ABCA5: variants seen among roughly 807,000 people sequenced by gnomAD.
ABCA5 encodes the protein ATP binding cassette subfamily A member 5.
A neutral mutation model predicts 206.0 loss-of-function variants in ABCA5; 163 were observed. The observed-to-expected ratio is 0.79, with a 90% CI of 0.70 to 0.90. The LOEUF is 0.90. Ranked by LOEUF, ABCA5 falls within the 40% of genes least tolerant of loss-of-function variation. The pLI, the probability that ABCA5 is intolerant of heterozygous loss-of-function variation, is 0.00. For synonymous variants in ABCA5, 609 were observed against 613.8 expected, an observed-to-expected ratio of 0.99 and a Z score of 0.11; for missense variants, 1,859 against 1,912.9, an observed-to-expected ratio of 0.97 and a Z score of 0.53.
rs577065204 is a variant in ABCA5, at chr17:69,292,992, ACCCTATTAGTATAC to A, written c.1495+1649_1495+1662del. On this transcript the variant is annotated intron_variant, in intron 11 of 38. Transcript: ENST00000392676. ...AGTTATTAGGCAAATGCAAACTAAA[ACCCTATTAGTATAC>A]CACTATACCTACTTTCTTCTTAATA... Among the ~76,000 whole-genome samples, 107 of 152,264 alleles carry A rather than the reference ACCCTATTAGTATAC, an allele frequency of 7.0e-4. No individual in the cohort carries two copies. In the East Asian group the frequency reaches 9.8e-3, roughly 14 times the overall value.
chr17:69,308,401 TG>T, intron 4 of ABCA5, 33 bp from the exon 5 acceptor site: 1 of 1,437,402 alleles, frequency 7.0e-7, no homozygotes, highest in Non-Finnish European at 9.8e-7. Context: ...TCTAAGATTC[TG>T]TACAACATGC....
At chr17:69,320,835 C>A (rs1460858027) in intron 1 of ABCA5, among the ~76,000 whole-genome samples, 1 of 152,148 alleles carries the variant, frequency 6.6e-6, no homozygotes, top group Non-Finnish European at 1.5e-5. Context: ...AAGGACTGGT[C>A]TGCATAATAA....
At position 69,279,331 on chromosome 17, in the gene ABCA5, T is replaced by C. The variant is rs974159345; in HGVS notation, c.2393-1489A>G. ...CTAGGAATCCAACTTACGAGGGATG[T>C]GAAGGACCTCTTCAAGGAGAACTAC... On this transcript the variant is annotated intron_variant, in intron 18 of 38. Coordinates refer to ENST00000392676, the MANE Select transcript of ABCA5 (RefSeq NM_172232.4). 2.0e-5 allele frequency among the ~76,000 whole-genome samples: 3 copies of C among 152,104 alleles called. No homozygotes were observed. The South Asian group carries it at 6.2e-4, about 32-fold the overall frequency.
intron 18 of ABCA5, among the ~76,000 whole-genome samples, chr17:69,281,616 TCTC>T (rs956082966): frequency 2.6e-4 from 40 of 152,276 alleles, no homozygotes; most frequent in African/African-American, 9.4e-4. Context: ...ATATATGGCT[TCTC>T]CTCACTGCAT....
intron 34 of ABCA5, among the ~76,000 whole-genome samples, chr17:69,253,094 A>G (rs1243103696): frequency 6.6e-6 from 1 of 152,146 alleles, no homozygotes; most frequent in East Asian, 1.9e-4. Flanking sequence ...CATATAGTCT[A>G]GGTGTGTAGT....
At chr17:69,295,600 G>C (rs148705326) in intron 10 of ABCA5, among the ~76,000 whole-genome samples, 70 of 152,216 alleles carry the variant, frequency 4.6e-4, no homozygotes, top group African/African-American at 1.3e-3. Flanking sequence ...ATTTAATACT[G>C]CATCTTCACA....
In ABCA5 at chr17:69,277,540, A is replaced by C. The variant is rs1363456008; in HGVS notation, c.2594+101T>G. 53 of 931,554 alleles carry C rather than the reference A, an allele frequency of 5.7e-5. No individual in the cohort carries two copies. The highest frequency in any genetic ancestry group is 7.4e-5 in the Non-Finnish European group (48 of 649,724). The allele number at this position is 931,554 out of a possible 1,614,324, so 57.7% of individuals were successfully genotyped here. A position where few individuals can be genotyped will look rare whatever the true frequency, so the allele number is the denominator to read the frequency against. ...AGTGGTAATCTTTCGAAACTATATA[A>C]ATTATTTACATATGTTAACATTTTA... On this transcript the variant is annotated intron_variant, in intron 19 of 38. Transcript: ENST00000392676.
chr17:69,254,157 CA>C (rs1368671580), intron 32 of ABCA5, among the ~76,000 whole-genome samples, 157 bp downstream of exon 32: 1 of 152,044 alleles, frequency 6.6e-6, no homozygotes, highest in Non-Finnish European at 1.5e-5. Context: ...TTACAGCTAT[CA>C]GTATATTTTC....
In ABCA5 at chr17:69,256,290, A is replaced by T. The variant is rs752916283; in HGVS notation, c.3732-7T>A. 3.3e-6 allele frequency: 5 copies of T among 1,522,088 alleles called. No homozygotes were observed. In the East Asian group the frequency reaches 1.2e-4, roughly 35 times the overall value. 94.3% of individuals were successfully genotyped at this position (1,522,088 alleles called of 1,614,324 possible). On this transcript the variant is annotated splice_polypyrimidine_tract_variant and splice_region_variant and intron_variant, in intron 28 of 38. Coordinates refer to ENST00000392676, the MANE Select transcript of ABCA5 (RefSeq NM_172232.4). ...AGACTTCGTTGAAAGGTTTCTACAT[A>T]TATATAATAAATATAAAAGACAGTA...
Position 69,304,800 on chromosome 17 carries a change from C to G in ABCA5, c.799G>C (p.Val267Leu), listed in dbSNP as rs538740505. 6.3e-7 allele frequency: 1 copy of G among 1,591,620 alleles called. No individual in the cohort carries two copies. The highest frequency in any genetic ancestry group is 2.3e-5 in the East Asian group (1 of 44,258). Residue 267 changes from valine to leucine, a missense_variant, in exon 7 of 39, where the codon GTT becomes CTT. Physicochemically the swap from Val to Leu is conservative, Grantham distance 32. Transcript: ENST00000392676. ...AAAATTAAACTTGTATATAGAAGAACCCAGGAAAGCCTAAAATGAGAATAC... is the reference window on the plus strand; with the variant it reads ...AAAATTAAACTTGTATATAGAAGAAGCCAGGAAAGCCTAAAATGAGAATAC... Reference protein sequence around the residue: ...LHDTAFWLSWVLLYTSLIFLM... With the variant: ...LHDTAFWLSWLLLYTSLIFLM...
chr17:69,296,072 T>C (rs1364544210), intron 10 of ABCA5, among the ~76,000 whole-genome samples: 1 of 152,222 alleles, frequency 6.6e-6, no homozygotes, highest in Non-Finnish European at 1.5e-5. Flanking sequence ...TGGATTTTTT[T>C]TCATTTCTGA....
chr17:69,318,828 G>A, intron 1 of ABCA5: 1 of 704,992 alleles, frequency 1.4e-6, no homozygotes, highest in Non-Finnish European at 2.6e-6. Flanking sequence ...GGAATATTGT[G>A]GGGATTTGAT....
chr17:69,312,995 C>T (rs2075784253), intron 3 of ABCA5, 97 bp downstream of exon 3: 1 of 663,376 alleles, frequency 1.5e-6, no homozygotes, highest in African/African-American at 1.9e-5. Flanking sequence ...GAACACATCT[C>T]TAAGTGTTAA....
intron 9 of ABCA5, among the ~76,000 whole-genome samples, chr17:69,300,906 T>C (rs565090222): frequency 1.3e-5 from 2 of 152,294 alleles, no homozygotes; most frequent in East Asian, 1.9e-4. Context: ...TAAGATCAAC[T>C]AGAGACTTAA....
Position 69,285,930 on chromosome 17 carries a change from C to A in ABCA5, c.2240G>T (p.Ser747Ile), listed in dbSNP as rs2075446497. The A allele has an allele frequency of 1.9e-6, 3 of 1,612,738 alleles. No homozygotes were observed. Among genetic ancestry groups the A allele is most frequent in the Admixed American group, 3.3e-5 (2 of 59,900 alleles). The change falls in exon 17 of 39, where the codon AGC (serine) becomes ATC (isoleucine). Residue 747 changes from serine to isoleucine, a missense_variant. Transcript: ENST00000392676. ...LQQNDQQLVY[S>I]LPFKDMDKFS... ...TTTGTCCATGTCCTTGAAAGGCAAGCTATACACAAGTTGTTGGTCATTCTG... is the reference window on the plus strand; with the variant it reads ...TTTGTCCATGTCCTTGAAAGGCAAGATATACACAAGTTGTTGGTCATTCTG...
intron 29 of ABCA5, 128 bp from the exon 30 acceptor site, chr17:69,255,978 T>C: frequency 1.8e-6 from 2 of 1,099,058 alleles, no homozygotes; most frequent in East Asian, 2.7e-5. Flanking sequence ...CAAATAAATA[T>C]CCATTTATGA....
rs148561229 is a variant in ABCA5, at chr17:69,250,481, C to T, written c.4676G>A (p.Arg1559His). The T allele has an allele frequency of 1.9e-5, 31 of 1,607,904 alleles. No individual in the cohort carries two copies. The Admixed American group carries it at 2.6e-4, about 13-fold the overall frequency. Residue 1559 changes from arginine to histidine, a missense_variant, in exon 36 of 39, where the codon CGT (arginine) becomes CAT (histidine). Coordinates refer to ENST00000392676, the MANE Select transcript of ABCA5 (RefSeq NM_172232.4). ...TTCTTTAAAATTTTACCTTTCCTGA[C>T]GGCTTGCATTTGGGAAAATATACTG... ...EIQYIFPNAS[R>H]QESFSSILAY...
At position 69,301,254 on chromosome 17, in the gene ABCA5, A is replaced by C. The variant is rs2145009855; in HGVS notation, c.1152T>G (p.Ala384=). ...VMHLEDFNEG[A]SFSNLTAGPY... ...GGCCTGCAGTCAAATTTGAAAATGA[A>C]GCACCTTCATTAAAATCTTCTAAAT... The change falls in exon 9 of 39, where the codon GCT becomes GCG. Residue 384 remains alanine, a synonymous_variant. Transcript: ENST00000392676. 3 of 1,596,124 alleles carry C rather than the reference A, an allele frequency of 1.9e-6. No homozygotes were observed. Among genetic ancestry groups the C allele is most frequent in the Non-Finnish European group, 2.6e-6 (3 of 1,175,918 alleles).
At chr17:69,287,147 G>A (rs916093162) in intron 15 of ABCA5, among the ~76,000 whole-genome samples, 4 of 152,140 alleles carry the variant, frequency 2.6e-5, no homozygotes, top group African/African-American at 7.2e-5. Flanking sequence ...TATGTGATCA[G>A]CACCCAATAA....
Sources: allele counts gnomAD v4.1 joint callset (sites outside exome capture counted in the v4.1 genomes callset), GRCh38; gene constraint gnomAD v4.1.1; transcripts MANE v1.5; gene names NCBI Gene and HGNC (gene_info 2026-07-23, HGNC 2026-07-21).